PLCB1: variants seen among roughly 807,000 people sequenced by gnomAD.
PLCB1 encodes the protein 1-phosphatidylinositol 4,5-bisphosphate phosphodiesterase beta-1.
In PLCB1, 46 loss-of-function variants were observed where a neutral mutation model predicts 161.8. The ratio of observed to expected loss-of-function variants is 0.28; its 90% CI spans 0.22 to 0.36. The LOEUF is 0.36. Ranked by LOEUF, PLCB1 falls within the 10% of genes least tolerant of loss-of-function variation. PLCB1 has a pLI of 1.00. For synonymous variants in PLCB1, 517 were observed against 503.7 expected (o/e 1.03, Z -0.35); for missense variants, 1,016 against 1,472.5 (o/e 0.69, Z 5.07).
At chr20:8,452,670 CA>C (rs1038488968) in intron 3 of PLCB1, among the ~76,000 whole-genome samples, 2 of 152,074 alleles carry the variant, frequency 1.3e-5, no homozygotes, top group African/African-American at 4.8e-5. Context: ...GTGATCCCTG[CA>C]AAAGAAGCAT....
At chr20:8,643,354 C>T (rs1468878549) in intron 4 of PLCB1, among the ~76,000 whole-genome samples, 2 of 152,160 alleles carry the variant, frequency 1.3e-5, no homozygotes, top group Non-Finnish European at 2.9e-5. Context: ...GTTGTCGCAA[C>T]CCCCTCCCTC....
chr20:8,529,063 A>G (rs1415007571), intron 3 of PLCB1, among the ~76,000 whole-genome samples: 1 of 149,824 alleles, frequency 6.7e-6, no homozygotes, highest in Non-Finnish European at 1.5e-5. Context: ...TCATATATCA[A>G]AATCACACAC....
chr20:8,478,773 A>G (rs919865885), intron 3 of PLCB1, among the ~76,000 whole-genome samples: 1 of 152,086 alleles, frequency 6.6e-6, no homozygotes, highest in African/African-American at 2.4e-5. Flanking sequence ...TCAAAATGTA[A>G]AGTTAAAGGT....
At chr20:8,330,728 C>G (rs1985335037) in intron 2 of PLCB1, among the ~76,000 whole-genome samples, 1 of 152,178 alleles carries the variant, frequency 6.6e-6, no homozygotes, top group African/African-American at 2.4e-5. Flanking sequence ...TGACATGTAA[C>G]AGATTCTGAA....
intron 2 of PLCB1, among the ~76,000 whole-genome samples, chr20:8,344,987 C>T (rs760232647): frequency 5.9e-5 from 9 of 152,048 alleles, no homozygotes; most frequent in African/African-American, 1.2e-4. Flanking sequence ...CAGCATAACC[C>T]GAGGCAATTA....
intron 2 of PLCB1, among the ~76,000 whole-genome samples, chr20:8,234,802 A>G (rs990615581): frequency 2.6e-5 from 4 of 152,162 alleles, no homozygotes; most frequent in African/African-American, 9.6e-5. Context: ...TTGGCTGATT[A>G]TCAGTGTCTC....
At chr20:8,203,191 A>G (rs572970648) in intron 2 of PLCB1, among the ~76,000 whole-genome samples, 16 of 152,068 alleles carry the variant, frequency 1.1e-4, no homozygotes, top group Admixed American at 2.0e-4. Flanking sequence ...TTGAGGATAC[A>G]GATGAGAATC....
At position 8,722,561 on chromosome 20, in the gene PLCB1, A is replaced by G. The variant is rs140035693; in HGVS notation, c.1581+140A>G. The G allele has an allele frequency of 5.4e-4, 274 of 506,442 alleles. 1 individual carries two copies. Among genetic ancestry groups the G allele is most frequent in the African/African-American group, 5.0e-3 (247 of 49,600 alleles). The allele number at this position is 506,442 out of a possible 1,614,324, so 31.4% of individuals were successfully genotyped here. A position where few individuals can be genotyped will look rare whatever the true frequency, so the allele number is the denominator to read the frequency against. On this transcript the variant is annotated intron_variant, in intron 15 of 31. Transcript: ENST00000338037. ...ATTGCCAGCTTCAATTTTTGAGGCA[A>G]TTAAATGGCTTATGAAATGTTCCAC... is the stretch of plus-strand genomic sequence containing the variant.
chr20:8,528,963 A>C (rs1209551821), intron 3 of PLCB1, among the ~76,000 whole-genome samples: 5 of 151,970 alleles, frequency 3.3e-5, no homozygotes, highest in African/African-American at 9.7e-5. Context: ...ACAGTGAAAA[A>C]AACAGTTCTA....
chr20:8,271,909 A>G (rs576632046), intron 2 of PLCB1, among the ~76,000 whole-genome samples: 118 of 152,278 alleles, frequency 7.7e-4, no homozygotes, highest in Non-Finnish European at 1.4e-3. Context: ...CATTCCACCT[A>G]CACAGGCTCT....
chr20:8,533,055 T>C (rs939053774), intron 3 of PLCB1, among the ~76,000 whole-genome samples: 4 of 134,516 alleles, frequency 3.0e-5, no homozygotes, highest in Non-Finnish European at 6.2e-5. Context: ...GATGTTCCCC[T>C]TCCTGTGTCC....
intron 9 of PLCB1, among the ~76,000 whole-genome samples, chr20:8,662,590 A>G (rs1039841600): frequency 6.2e-5 from 9 of 145,670 alleles, no homozygotes; most frequent in African/African-American, 2.0e-4. Flanking sequence ...ATAATATCTA[A>G]ATATATTAAT....
chr20:8,361,787 C>T (rs1325109352), intron 2 of PLCB1, among the ~76,000 whole-genome samples: 2 of 152,164 alleles, frequency 1.3e-5, no homozygotes, highest in Non-Finnish European at 2.9e-5. Flanking sequence ...GGAAATCTGG[C>T]TACATTTATA....
chr20:8,350,445 T>C (rs1986147325), intron 2 of PLCB1, among the ~76,000 whole-genome samples: 1 of 152,256 alleles, frequency 6.6e-6, no homozygotes, highest in African/African-American at 2.4e-5. Context: ...GGCTGCATAG[T>C]ATTCCATTGT....
At chr20:8,698,009 A>G (rs927734851) in intron 11 of PLCB1, among the ~76,000 whole-genome samples, 11 of 152,228 alleles carry the variant, frequency 7.2e-5, no homozygotes, top group Non-Finnish European at 1.5e-4. Context: ...CGTGAAAGGA[A>G]ATATCAAGGT....
chr20:8,424,970 C>T (rs1213130975), intron 3 of PLCB1, among the ~76,000 whole-genome samples: 1 of 152,096 alleles, frequency 6.6e-6, no homozygotes, highest in Non-Finnish European at 1.5e-5. Context: ...CCATTGGCCA[C>T]TTCGTGCTCA....
chr20:8,776,276 A>G (rs1406607129), intron 27 of PLCB1, among the ~76,000 whole-genome samples: 1 of 152,196 alleles, frequency 6.6e-6, no homozygotes, highest in Non-Finnish European at 1.5e-5. Flanking sequence ...GTATATAGCA[A>G]AATTTAGTGA....
chr20:8,268,298 A>ATCC (rs985737071), intron 2 of PLCB1, among the ~76,000 whole-genome samples: 4 of 152,046 alleles, frequency 2.6e-5, no homozygotes, highest in African/African-American at 4.8e-5. Context: ...ACATGAACTC[A>ATCC]TCCTTTTTTA....
intron 2 of PLCB1, among the ~76,000 whole-genome samples, chr20:8,297,600 T>A (rs1983697855): frequency 6.6e-6 from 1 of 152,090 alleles, no homozygotes; most frequent in Admixed American, 6.6e-5. Context: ...GAGGGGTGGC[T>A]GAGAGTGGAT....
Sources: gnomAD v4.1 joint callset for allele counts (sites outside exome capture counted in the v4.1 genomes callset) on GRCh38, gnomAD v4.1.1 for gene constraint, MANE v1.5 for transcripts, NCBI Gene and HGNC (gene_info 2026-07-23, HGNC 2026-07-21) for gene names.